The following STX18 variants were observed in gnomAD, a reference collection of about 807,000 sequenced individuals.
STX18 encodes syntaxin-18.
In STX18, 40 loss-of-function variants were observed where a neutral mutation model predicts 50.1. The observed-to-expected ratio is 0.80, with a 90% CI of 0.62 to 1.04. The LOEUF (loss-of-function observed/expected upper bound fraction) is 1.04. Ranked by LOEUF, STX18 falls within the 50% of genes least tolerant of loss-of-function variation. STX18 has a pLI of 0.00. For missense variants in STX18, 410 were observed against 415.8 expected, an observed-to-expected ratio of 0.99 and a Z score of 0.12; for synonymous variants, 158 against 151.8, an observed-to-expected ratio of 1.04 and a Z score of -0.30.
chr4:4,427,736 T>G (rs1725323307), intron 7 of STX18, among the ~76,000 whole-genome samples: 1 of 152,230 alleles, frequency 6.6e-6, no homozygotes, highest in African/African-American at 2.4e-5. Context: ...TATAAGGCAC[T>G]TAGGTGCGGC....
In STX18 at chr4:4,506,738, G is replaced by A. The variant is rs181866990; in HGVS notation, c.169-35032C>T. ...TGATAAAGTTTAATTTACAAATTAG[G>A]TAGAGTTAGAGAATAAATGCAATAA... On this transcript the variant is annotated intron_variant, in intron 1 of 10. Coordinates refer to ENST00000306200, the MANE Select transcript of STX18 (RefSeq NM_016930.4). 1.6e-3 allele frequency among the ~76,000 whole-genome samples: 239 copies of A among 152,302 alleles called. 1 individual carries two copies. Among genetic ancestry groups the A allele is most frequent in the Non-Finnish European group, 2.6e-3 (177 of 68,030 alleles).
intron 1 of STX18, among the ~76,000 whole-genome samples, chr4:4,522,663 A>G (rs1730559608): frequency 6.6e-6 from 1 of 152,250 alleles, no homozygotes; most frequent in African/African-American, 2.4e-5. Context: ...AATAAATAAA[A>G]GCTGTATGCT....
chr4:4,465,516 A>T (rs565030431), intron 2 of STX18, among the ~76,000 whole-genome samples: 1 of 152,334 alleles, frequency 6.6e-6, no homozygotes, highest in African/African-American at 2.4e-5. Flanking sequence ...CAGAAAACCA[A>T]ATACCACATG....
chr4:4,489,926 C>T (rs971878298), intron 1 of STX18, among the ~76,000 whole-genome samples: 4 of 152,148 alleles, frequency 2.6e-5, no homozygotes, highest in African/African-American at 9.7e-5. Flanking sequence ...CTGAATTCAG[C>T]TCAGTGTGAA....
chr4:4,437,635 A>G (rs1725857308), intron 6 of STX18: 1 of 985,246 alleles, frequency 1.0e-6, no homozygotes, highest in Non-Finnish European at 1.2e-6. Context: ...ACAAGAGTTA[A>G]TAAGAACTGC....
At chr4:4,469,729 A>G (rs1727817242) in intron 2 of STX18, among the ~76,000 whole-genome samples, 1 of 152,062 alleles carries the variant, frequency 6.6e-6, no homozygotes, top group Non-Finnish European at 1.5e-5. Context: ...CATGATTCCC[A>G]GCTATTTTTG....
intron 1 of STX18, among the ~76,000 whole-genome samples, chr4:4,495,516 G>C (rs112473308): frequency 8.7e-5 from 13 of 150,022 alleles, no homozygotes; most frequent in African/African-American, 3.0e-4. Context: ...AGCCTCCCAA[G>C]TAACTGGGAC....
intron 1 of STX18, among the ~76,000 whole-genome samples, chr4:4,519,207 A>G (rs114445192): frequency 2.4e-3 from 359 of 152,336 alleles, no homozygotes; most frequent in Middle Eastern, 0.014. Flanking sequence ...AGTTTACTCA[A>G]TATGCTTAAC....
chr4:4,535,879 C>G (rs1731307364), intron 1 of STX18, among the ~76,000 whole-genome samples: 1 of 152,174 alleles, frequency 6.6e-6, no homozygotes. Context: ...TGATTATACT[C>G]AACCCTTAGG....
intron 8 of STX18, 37 bp from the exon 9 acceptor site, chr4:4,423,624 C>T (rs1277438308): frequency 6.3e-7 from 1 of 1,593,194 alleles, no homozygotes; most frequent in Admixed American, 1.7e-5. Context: ...TAACTATTAG[C>T]ACTTGGTAAT....
At chr4:4,443,214 A>G (rs11721573) in intron 5 of STX18, among the ~76,000 whole-genome samples, 56,479 of 152,242 alleles carry the variant, frequency 0.37, 15,117 homozygotes, top group African/African-American at 0.76. Flanking sequence ...AAAAGTTATT[A>G]ATTATAGCAA....
intron 1 of STX18, among the ~76,000 whole-genome samples, chr4:4,497,363 T>C (rs1204158796): frequency 6.6e-6 from 1 of 152,218 alleles, no homozygotes; most frequent in African/African-American, 2.4e-5. Flanking sequence ...GAAATGTACT[T>C]AATCATCACT....
At position 4,419,406 on chromosome 4, in the gene STX18, CCT is replaced by C. The variant is rs1491143066; in HGVS notation, c.*626_*627del. ...GCCCCAGTCTCCCCTGCATTTCTTC[CCT>C]GATTGATTGATAGGAGGTGGCTGGG... On this transcript the variant is annotated 3_prime_UTR_variant, in exon 11 of 11. Transcript: ENST00000306200. 6.6e-6 allele frequency: 1 copy of C among 152,220 alleles called. No individual in the cohort carries two copies. Among genetic ancestry groups the C allele is most frequent in the Non-Finnish European group, 1.5e-5 (1 of 68,074 alleles). The allele number at this position is 152,220 out of a possible 1,614,324, so 9.4% of individuals were successfully genotyped here.
At chr4:4,501,940 G>C (rs925294189) in intron 1 of STX18, among the ~76,000 whole-genome samples, 2 of 152,156 alleles carry the variant, frequency 1.3e-5, no homozygotes, top group Admixed American at 6.5e-5. Flanking sequence ...GTTTCCTGGA[G>C]AAGTATAGCA....
intron 5 of STX18, among the ~76,000 whole-genome samples, chr4:4,455,755 C>T (rs1045676811): frequency 2.6e-5 from 4 of 152,208 alleles, no homozygotes; most frequent in Admixed American, 6.5e-5. Flanking sequence ...CAACACTTCA[C>T]GTGTTGTCAT....
At chr4:4,495,084 A>T (rs571466862) in intron 1 of STX18, among the ~76,000 whole-genome samples, 1 of 152,320 alleles carries the variant, frequency 6.6e-6, no homozygotes, top group Non-Finnish European at 1.5e-5. Context: ...GACTGCCTGG[A>T]TCTAATGCAG....
In STX18 at chr4:4,534,115, T is replaced by C. The variant is rs529641586; in HGVS notation, c.168+7682A>G. On this transcript the variant is annotated intron_variant, in intron 1 of 10. Coordinates refer to ENST00000306200, the MANE Select transcript of STX18 (RefSeq NM_016930.4). Reference sequence around the variant, plus strand: ...ATGCAACTGGCTGGGCATAGGTACATAGGCACTGGGTATCTATTTTGTACT... The same window carrying C: ...ATGCAACTGGCTGGGCATAGGTACACAGGCACTGGGTATCTATTTTGTACT... Among the ~76,000 whole-genome samples, 6 of 152,280 alleles carry C rather than the reference T, an allele frequency of 3.9e-5. No individual in the cohort carries two copies. In the South Asian group the frequency reaches 1.2e-3, roughly 32 times the overall value.
At chr4:4,538,234 T>C (rs528608051) in intron 1 of STX18, among the ~76,000 whole-genome samples, 1 of 152,076 alleles carries the variant, frequency 6.6e-6, no homozygotes, top group Non-Finnish European at 1.5e-5. Context: ...TGGGGTACAA[T>C]GTTGCAAAGG....
At chr4:4,441,360 A>G (rs1577325241) in intron 5 of STX18, among the ~76,000 whole-genome samples, 1 of 152,210 alleles carries the variant, frequency 6.6e-6, no homozygotes, top group East Asian at 1.9e-4. Context: ...CTGCTATTCT[A>G]AGTATCACAA....
Sources: allele counts gnomAD v4.1 joint callset (sites outside exome capture counted in the v4.1 genomes callset), GRCh38; gene constraint gnomAD v4.1.1; transcripts MANE v1.5; gene names NCBI Gene and HGNC (gene_info 2026-07-23, HGNC 2026-07-21).